AGPS: variants seen among roughly 807,000 people sequenced by gnomAD.
AGPS encodes alkyldihydroxyacetonephosphate synthase, peroxisomal.
A neutral mutation model predicts 90.7 loss-of-function variants in AGPS; 26 were observed. The observed-to-expected ratio is 0.29, with a 90% CI of 0.21 to 0.40. The LOEUF is 0.40. Among genes scored for constraint, AGPS ranks in the 10% least tolerant of loss-of-function variants. AGPS has a pLI of 1.00. For synonymous variants in AGPS, 294 were observed against 285.3 expected, an observed-to-expected ratio of 1.03 and a Z score of -0.31; for missense variants, 540 against 816.1, an observed-to-expected ratio of 0.66 and a Z score of 4.12.
intron 7 of AGPS, 77 bp downstream of exon 7, chr2:177,442,563 G>T (rs1265582475): frequency 1.7e-6 from 2 of 1,198,194 alleles, no homozygotes; most frequent in Admixed American, 1.8e-5. Flanking sequence ...AAAGAATCTA[G>T]CCACTGGGCG....
intron 1 of AGPS, among the ~76,000 whole-genome samples, chr2:177,412,965 C>A (rs967704708): frequency 1.3e-5 from 2 of 152,072 alleles, no homozygotes; most frequent in Non-Finnish European, 2.9e-5. Flanking sequence ...CAGTGGACAC[C>A]CTGCTGGATC....
chr2:177,397,060 C>T (rs575199226), intron 1 of AGPS, among the ~76,000 whole-genome samples: 14 of 151,984 alleles, frequency 9.2e-5, no homozygotes, highest in Non-Finnish European at 2.1e-4. Context: ...CTGCCTCAGC[C>T]TCCGGAGTAG....
At chr2:177,463,052 G>T (rs1333254920) in intron 9 of AGPS, among the ~76,000 whole-genome samples, 3 of 152,140 alleles carry the variant, frequency 2.0e-5, no homozygotes, top group Admixed American at 2.0e-4. Flanking sequence ...TTCCTGTATA[G>T]AATTAAATAG....
chr2:177,442,156 A>T (rs1686627073), intron 6 of AGPS, among the ~76,000 whole-genome samples: 1 of 152,154 alleles, frequency 6.6e-6, no homozygotes, highest in Admixed American at 6.5e-5. Context: ...TGAGTGTGGC[A>T]TTTCCAGGGG....
chr2:177,393,190 T>A, intron 1 of AGPS, 141 bp downstream of exon 1: 2 of 1,542,904 alleles, frequency 1.3e-6, no homozygotes, highest in Non-Finnish European at 8.7e-7. Flanking sequence ...GACCCACCTC[T>A]CTTTCGAGAG....
intron 11 of AGPS, among the ~76,000 whole-genome samples, chr2:177,488,782 C>T (rs187056983): frequency 1.6e-4 from 24 of 152,266 alleles, no homozygotes; most frequent in Admixed American, 5.2e-4. Flanking sequence ...TGTGGATTTA[C>T]CCTTTGAGGA....
At chr2:177,472,266 G>GT (rs921891283) in intron 10 of AGPS, among the ~76,000 whole-genome samples, 65 of 140,122 alleles carry the variant, frequency 4.6e-4, no homozygotes, top group Admixed American at 1.3e-3. Context: ...TATTTTTCTG[G>GT]TTTTTTTTTT....
At chr2:177,495,347 G>T (rs17326999) in intron 12 of AGPS, among the ~76,000 whole-genome samples, 2 of 151,862 alleles carry the variant, frequency 1.3e-5, no homozygotes, top group African/African-American at 4.8e-5. Context: ...ATGACTGTTC[G>T]TCAGAGTGGT....
At chr2:177,483,771 A>C (rs1559067003) in intron 11 of AGPS, among the ~76,000 whole-genome samples, 1 of 152,132 alleles carries the variant, frequency 6.6e-6, no homozygotes, top group Non-Finnish European at 1.5e-5. Flanking sequence ...TATTAAGTAG[A>C]GGAGGATTGG....
chr2:177,470,287 T>C (rs1207972321), intron 10 of AGPS, among the ~76,000 whole-genome samples: 1 of 152,206 alleles, frequency 6.6e-6, no homozygotes, highest in Non-Finnish European at 1.5e-5. Context: ...TAATTTGGTC[T>C]TTTCATGCCT....
rs2105747948 is a variant in AGPS, at chr2:177,539,503, C to T, written c.*1308C>T. 1 of 152,026 alleles carries T rather than the reference C, an allele frequency of 6.6e-6. No homozygotes were observed. The highest frequency in any genetic ancestry group is 2.4e-5 in the African/African-American group (1 of 41,520). The allele number at this position is 152,026 out of a possible 1,614,324, so 9.4% of individuals were successfully genotyped here. ...ATTCTTTTCTTAATGCAATACCTAA[C>T]TTTTGATAATTTTTTAAAACTAATA... On this transcript the variant is annotated 3_prime_UTR_variant, in exon 20 of 20. Transcript: ENST00000264167.
rs1367536319 is a variant in AGPS at position 177,538,233 on chromosome 2, T to G, written c.*38T>G. On this transcript the variant is annotated 3_prime_UTR_variant, in exon 20 of 20. Coordinates refer to ENST00000264167, the MANE Select transcript of AGPS (RefSeq NM_003659.4). ...CATTACAAAAAAATGTCAATTTTTT[T>G]TTTAAGTTTTCAACTGTGGTTATAC... is the stretch of plus-strand genomic sequence containing the variant. 6.3e-7 allele frequency: 1 copy of G among 1,598,766 alleles called. No homozygotes were observed. Among genetic ancestry groups the G allele is most frequent in the Non-Finnish European group, 8.6e-7 (1 of 1,166,978 alleles).
At chr2:177,421,518 A>C (rs1329571157) in intron 2 of AGPS, among the ~76,000 whole-genome samples, 1 of 152,074 alleles carries the variant, frequency 6.6e-6, no homozygotes, top group Non-Finnish European at 1.5e-5. Flanking sequence ...AGTAATTTTA[A>C]TGAAGTTCTG....
intron 6 of AGPS, 79 bp downstream of exon 6, chr2:177,441,115 C>G (rs1027292869): frequency 8.3e-7 from 1 of 1,200,996 alleles, no homozygotes; most frequent in East Asian, 2.6e-5. Context: ...TTTGCGTCAC[C>G]CTACTGAAAA....
rs1367678904 is a variant in AGPS at position 177,541,321 on chromosome 2, T to C, written c.*3126T>C. 6.6e-6 allele frequency: 1 copy of C among 152,166 alleles called. No individual in the cohort carries two copies. The allele number at this position is 152,166 out of a possible 1,614,324, so 9.4% of individuals were successfully genotyped here. A position where few individuals can be genotyped will look rare whatever the true frequency, so the allele number is the denominator to read the frequency against. Reference sequence around the variant, plus strand: ...CTTTCTGCATGTTAGCACCCAGACTTTCCTTTGTCATATTCCTTTATAGCT... The same window carrying C: ...CTTTCTGCATGTTAGCACCCAGACTCTCCTTTGTCATATTCCTTTATAGCT... On this transcript the variant is annotated 3_prime_UTR_variant, in exon 20 of 20. Transcript: ENST00000264167.
chr2:177,446,411 G>T (rs555727835), intron 8 of AGPS, among the ~76,000 whole-genome samples: 74 of 152,294 alleles, frequency 4.9e-4, no homozygotes, highest in African/African-American at 1.7e-3. Flanking sequence ...GAAGTGTTGG[G>T]ATTACAGGCG....
chr2:177,486,048 G>A (rs1440471675), intron 11 of AGPS, among the ~76,000 whole-genome samples: 1 of 152,220 alleles, frequency 6.6e-6, no homozygotes, highest in Non-Finnish European at 1.5e-5. Context: ...CTATAGCTAT[G>A]ACAGTTCAGT....
chr2:177,413,017 C>T (rs900704920), intron 1 of AGPS, among the ~76,000 whole-genome samples: 3 of 152,034 alleles, frequency 2.0e-5, no homozygotes, highest in African/African-American at 4.8e-5. Flanking sequence ...TCTGCGATGG[C>T]GGCAAACAAC....
Position 177,457,969 on chromosome 2 carries a change from C to G in AGPS, c.871-3924C>G, listed in dbSNP as rs373032025. ...CTGGCAAACCGAACGAATCCAGCAG[C>G]ACATCAAAAAGCTTATCCACCACAA... On this transcript the variant is annotated intron_variant, in intron 8 of 19. Coordinates refer to ENST00000264167, the MANE Select transcript of AGPS (RefSeq NM_003659.4). Among the ~76,000 whole-genome samples the G allele has an allele frequency of 1.6e-4, 25 of 152,272 alleles. No homozygotes were observed. In the East Asian group the frequency reaches 4.8e-3, roughly 29 times the overall value.
Sources: allele counts gnomAD v4.1 joint callset (sites outside exome capture counted in the v4.1 genomes callset), GRCh38; gene constraint gnomAD v4.1.1; transcripts MANE v1.5; gene names NCBI Gene and HGNC (gene_info 2026-07-23, HGNC 2026-07-21).